The following CHST12 variants were observed in gnomAD, a reference collection of about 807,000 sequenced individuals.
CHST12 encodes the protein carbohydrate sulfotransferase 12.
CHST12 carries 23 observed loss-of-function variants against 27.9 expected under a neutral mutation model. The observed-to-expected ratio is 0.82, with a 90% CI of 0.59 to 1.17. The LOEUF (loss-of-function observed/expected upper bound fraction) is 1.17, where lower values mean the gene tolerates loss of function less well. CHST12 is among the 50% of genes most tolerant of loss of function. The pLI is 0.00. For synonymous variants in CHST12, 322 were observed against 273.0 expected (o/e 1.18, Z -1.77); for missense variants, 682 against 603.0 (o/e 1.13, Z -1.37).
chr7:2,418,294 C>A (rs1781863843), intron 1 of CHST12, among the ~76,000 whole-genome samples: 1 of 152,352 alleles, frequency 6.6e-6, no homozygotes, highest in African/African-American at 2.4e-5. Context: ...TGCGTTTAAA[C>A]CTAACCTAAT....
intron 1 of CHST12, among the ~76,000 whole-genome samples, chr7:2,405,639 G>A (rs1014344680): frequency 2.0e-5 from 3 of 152,134 alleles, no homozygotes; most frequent in Non-Finnish European, 4.4e-5. Context: ...GTGGGTCTGG[G>A]GCAGTGAGAG....
intron 1 of CHST12, among the ~76,000 whole-genome samples, chr7:2,409,079 A>C (rs1781597829): frequency 6.6e-6 from 1 of 152,216 alleles, no homozygotes; most frequent in South Asian, 2.1e-4. Context: ...TCGTGCGGGA[A>C]ACGAAAAATA....
intron 1 of CHST12, among the ~76,000 whole-genome samples, chr7:2,409,385 C>A (rs1002530899): frequency 6.6e-6 from 1 of 152,084 alleles, no homozygotes; most frequent in South Asian, 2.1e-4. Context: ...GAGGCCGAGG[C>A]AGGAGGATTG....
intron 1 of CHST12, among the ~76,000 whole-genome samples, chr7:2,406,674 C>T (rs947427084): frequency 6.6e-6 from 1 of 152,046 alleles, no homozygotes; most frequent in Non-Finnish European, 1.5e-5. Context: ...AGAGAAAAGA[C>T]CTAAAATTAA....
chr7:2,407,431 G>A (rs1422695270), intron 1 of CHST12, among the ~76,000 whole-genome samples: 1 of 152,076 alleles, frequency 6.6e-6, no homozygotes, highest in Non-Finnish European at 1.5e-5. Context: ...CTGGGTGACA[G>A]AGCAAGACCC....
At position 2,432,619 on chromosome 7, in the gene CHST12, G is replaced by A. The variant is rs377437782; in HGVS notation, c.-21G>A. On this transcript the variant is annotated 5_prime_UTR_variant, in exon 2 of 2. Coordinates refer to ENST00000618655, the MANE Select transcript of CHST12 (RefSeq NM_018641.5). ...AGCTGAAGTGAGAGGCCCGGAGAGG[G>A]CCCAGCCCGCCCGGGGCAGGATGAC... 1.9e-6 allele frequency: 3 copies of A among 1,594,572 alleles called. No homozygotes were observed. Among genetic ancestry groups the A allele is most frequent in the Non-Finnish European group, 2.6e-6 (3 of 1,167,188 alleles).
chr7:2,405,768 C>G (rs915658262), intron 1 of CHST12, among the ~76,000 whole-genome samples: 5 of 152,068 alleles, frequency 3.3e-5, no homozygotes, highest in African/African-American at 1.2e-4. Flanking sequence ...CGATGAGGAG[C>G]GCTGCGGCCA....
chr7:2,427,370 G>A (rs1026071675), intron 1 of CHST12, among the ~76,000 whole-genome samples: 2 of 152,072 alleles, frequency 1.3e-5, no homozygotes, highest in African/African-American at 4.8e-5. Context: ...GCCCAGTGGT[G>A]TGTATCTGCA....
At chr7:2,412,123 G>A (rs1329022270) in intron 1 of CHST12, among the ~76,000 whole-genome samples, 1 of 152,152 alleles carries the variant, frequency 6.6e-6, no homozygotes, top group Non-Finnish European at 1.5e-5. Context: ...CAGGTCTCCT[G>A]GGATATAAAT....
At chr7:2,410,095 C>T (rs1028548845) in intron 1 of CHST12, among the ~76,000 whole-genome samples, 6 of 152,102 alleles carry the variant, frequency 3.9e-5, no homozygotes, top group East Asian at 1.9e-4. Flanking sequence ...CGCTTTCTTT[C>T]GTCGTTTTCC....
rs886870486 is a variant in CHST12 at position 2,433,236 on chromosome 7, G to A, written c.597G>A (p.Pro199=). 3.1e-6 allele frequency: 5 copies of A among 1,611,524 alleles called. No homozygotes were observed. The highest frequency in any genetic ancestry group is 4.2e-6 in the Non-Finnish European group (5 of 1,178,924). The part of the protein sequence containing the change: ...LLHRGAPYRD[P]LRIPREHVHN... ...ACCGCGGTGCGCCCTACCGCGACCC[G>A]CTGCGCATCCCGCGCGAGCACGTGC... Residue 199 remains proline, a synonymous_variant, in exon 2 of 2, where the codon CCG becomes CCA. Coordinates refer to ENST00000618655, the MANE Select transcript of CHST12 (RefSeq NM_018641.5). This position sits in a 1 kb window ranked among gnomAD's most constrained non-coding sequence, Gnocchi z 6.1.
chr7:2,404,586 C>T (rs1032763154), intron 1 of CHST12, among the ~76,000 whole-genome samples: 1 of 152,206 alleles, frequency 6.6e-6, no homozygotes, highest in Admixed American at 6.5e-5. Flanking sequence ...GGGTCCCCCA[C>T]TTACCCCCAC....
intron 1 of CHST12, among the ~76,000 whole-genome samples, chr7:2,431,803 G>T (rs780492076): frequency 6.6e-6 from 1 of 152,144 alleles, no homozygotes; most frequent in Admixed American, 6.6e-5. Context: ...ATTGGCATTC[G>T]ACTTAAGTAG....
rs1217144114 is a variant in CHST12 at position 2,437,094 on chromosome 7, T to C, written c.*3210T>C. ...CTTTTTCCACTGAAACACAGCAAAT[T>C]ATACATTTTATGAAAATTGGCATCG... is the stretch of plus-strand genomic sequence containing the variant. On this transcript the variant is annotated 3_prime_UTR_variant, in exon 2 of 2. Transcript: ENST00000618655. 6.6e-6 allele frequency: 1 copy of C among 152,260 alleles called. No homozygotes were observed. The highest frequency in any genetic ancestry group is 1.5e-5 in the Non-Finnish European group (1 of 68,050). 9.4% of individuals were successfully genotyped at this position (152,260 alleles called of 1,614,324 possible).
chr7:2,408,220 G>A (rs1781571371), intron 1 of CHST12, among the ~76,000 whole-genome samples: 1 of 151,664 alleles, frequency 6.6e-6, no homozygotes, highest in Non-Finnish European at 1.5e-5. Context: ...AAATTAGCCA[G>A]GTATGGTGGC....
intron 1 of CHST12, among the ~76,000 whole-genome samples, chr7:2,418,140 C>T (rs1051707639): frequency 9.2e-5 from 14 of 152,344 alleles, no homozygotes; most frequent in Middle Eastern, 3.4e-3. Context: ...AGTGGCCTTG[C>T]GTGGGCAGCC....
chr7:2,404,623 G>C (rs1781474529), intron 1 of CHST12, among the ~76,000 whole-genome samples: 1 of 152,218 alleles, frequency 6.6e-6, no homozygotes, highest in Admixed American at 6.5e-5. Flanking sequence ...GCCCCTCACC[G>C]TGAGCATCTG....
chr7:2,430,120 G>A (rs1283908117), intron 1 of CHST12, among the ~76,000 whole-genome samples: 6 of 151,964 alleles, frequency 3.9e-5, no homozygotes, highest in Non-Finnish European at 4.4e-5. Context: ...CACAGTGACT[G>A]TAACATATGT....
intron 1 of CHST12, among the ~76,000 whole-genome samples, chr7:2,425,748 G>T (rs552295706): frequency 2.1e-5 from 3 of 146,162 alleles, no homozygotes; most frequent in South Asian, 2.2e-4. Context: ...TATCCAACTT[G>T]CAGGTCTTCT....
Sources: allele counts gnomAD v4.1 joint callset (sites outside exome capture counted in the v4.1 genomes callset), GRCh38; gene constraint gnomAD v4.1.1; non-coding constraint Gnocchi (gnomAD v3.1); transcripts MANE v1.5; gene names NCBI Gene and HGNC (gene_info 2026-07-23, HGNC 2026-07-21).